Variants in HEMK2 observed in about 807,000 individuals in gnomAD.
The protein encoded by HEMK2 is HemK methyltransferase 2, ETF1 glutamine and histone H4 lysine, also known as methyltransferase HEMK2.
At chr21:28,859,489 TAAAGTC>T in the HEMK2 span, among the ~76,000 whole-genome samples, 4 of 152,232 alleles carry the variant, frequency 2.6e-5, no homozygotes, top group African/African-American at 9.6e-5. Flanking sequence ...ATCATGGCAT[TAAAGTC>T]AAAGAAGTCT....
chr21:28,780,182 ATT>A, the HEMK2 span, among the ~76,000 whole-genome samples: 1 of 146,720 alleles, frequency 6.8e-6, no homozygotes. Flanking sequence ...GACCTAAACA[ATT>A]TTTTTTTTTT....
chr21:28,694,823 C>A, the HEMK2 span, among the ~76,000 whole-genome samples: 1 of 152,002 alleles, frequency 6.6e-6, no homozygotes, highest in Admixed American at 6.6e-5. Context: ...ACGGTGAAAC[C>A]CCGTCTCTAC....
At chr21:28,816,912 T>A in the HEMK2 span, among the ~76,000 whole-genome samples, 21 of 152,224 alleles carry the variant, frequency 1.4e-4, no homozygotes, top group African/African-American at 5.1e-4. Context: ...AACTTAGAAG[T>A]CACTGAAGAA....
chr21:28,816,009 A>G, the HEMK2 span, among the ~76,000 whole-genome samples: 3 of 152,186 alleles, frequency 2.0e-5, no homozygotes, highest in East Asian at 5.8e-4. Context: ...CTGAATGAAG[A>G]TTAGGGCACA....
chr21:28,585,830 A>G, the HEMK2 span, among the ~76,000 whole-genome samples: 3 of 152,342 alleles, frequency 2.0e-5, no homozygotes, highest in East Asian at 5.8e-4. Flanking sequence ...AGATTATTGA[A>G]AGACATAAAT....
the HEMK2 span, among the ~76,000 whole-genome samples, chr21:28,750,108 A>G: frequency 6.6e-6 from 1 of 152,248 alleles, no homozygotes; most frequent in Non-Finnish European, 1.5e-5. Flanking sequence ...GAGTAGACTA[A>G]CCAACAGTAC....
At chr21:28,769,148 T>C in the HEMK2 span, among the ~76,000 whole-genome samples, 1 of 152,044 alleles carries the variant, frequency 6.6e-6, no homozygotes, top group African/African-American at 2.4e-5. Context: ...TCCTGACTGG[T>C]CTACTAGCTG....
chr21:28,838,972 A>ATATATATATATATATATATATAT, the HEMK2 span, among the ~76,000 whole-genome samples: 1 of 29,164 alleles, frequency 3.4e-5, no homozygotes, highest in Non-Finnish European at 5.6e-5. Context: ...AAAAAAAAAA[A>ATATATATATATATATATATATAT]ATATATATAT....
chr21:28,840,545 G>C, the HEMK2 span, among the ~76,000 whole-genome samples: 1 of 152,066 alleles, frequency 6.6e-6, no homozygotes, highest in African/African-American at 2.4e-5. Flanking sequence ...GTGGGATAAA[G>C]ACATGAATAG....
the HEMK2 span, among the ~76,000 whole-genome samples, chr21:28,614,424 AAC>A: frequency 3.9e-5 from 6 of 152,132 alleles, no homozygotes; most frequent in Non-Finnish European, 5.9e-5. Context: ...TTAAAAAAAA[AAC>A]ATATTGAAAC....
chr21:28,854,292 G>A, the HEMK2 span, among the ~76,000 whole-genome samples: 1 of 152,066 alleles, frequency 6.6e-6, no homozygotes, highest in African/African-American at 2.4e-5. Context: ...TCATGCCAAG[G>A]ATTATAAGTG....
chr21:28,841,815 A>T, the HEMK2 span, among the ~76,000 whole-genome samples: 3 of 152,082 alleles, frequency 2.0e-5, no homozygotes, highest in Admixed American at 6.6e-5. Context: ...ATGGAAAAAT[A>T]AAAAATAAAA....
At chr21:28,748,761 G>A in the HEMK2 span, among the ~76,000 whole-genome samples, 1 of 152,168 alleles carries the variant, frequency 6.6e-6, no homozygotes, top group Non-Finnish European at 1.5e-5. Context: ...TTGTCAGAGA[G>A]AGATTACAAA....
the HEMK2 span, among the ~76,000 whole-genome samples, chr21:28,777,960 T>C: frequency 6.6e-6 from 1 of 152,334 alleles, no homozygotes; most frequent in South Asian, 2.1e-4. Context: ...AAAATAAATG[T>C]TTACCCTTGA....
At chr21:28,874,331 A>G in the HEMK2 span, 1 of 152,340 alleles carries the variant, frequency 6.6e-6, no homozygotes, top group South Asian at 2.1e-4. Context: ...CCAGAGTAAG[A>G]TCTATTTCAG....
the HEMK2 span, among the ~76,000 whole-genome samples, chr21:28,709,093 C>G: frequency 2.0e-5 from 3 of 152,090 alleles, no homozygotes; most frequent in Non-Finnish European, 4.4e-5. Context: ...TCTTTGGGGT[C>G]CCTTCTATAA....
chr21:28,588,693 G>A, the HEMK2 span, among the ~76,000 whole-genome samples: 1 of 152,152 alleles, frequency 6.6e-6, no homozygotes, highest in East Asian at 1.9e-4. Context: ...AAAAGGATCC[G>A]GGTGCGGTGG....
the HEMK2 span, among the ~76,000 whole-genome samples, chr21:28,663,536 T>C: frequency 6.6e-6 from 1 of 152,254 alleles, no homozygotes; most frequent in Non-Finnish European, 1.5e-5. Context: ...TCTGCAGCAA[T>C]GATATATGGA....
the HEMK2 span, among the ~76,000 whole-genome samples, chr21:28,686,618 A>T: frequency 5.0e-3 from 756 of 152,348 alleles, 6 homozygotes; most frequent in African/African-American, 0.017. Flanking sequence ...TTAGCAAGAA[A>T]GCATAAAAGA....
Sources: gnomAD v4.1 joint callset for allele counts (sites outside exome capture counted in the v4.1 genomes callset) on GRCh38, gnomAD v4.1.1 for gene constraint, MANE v1.5 for transcripts, NCBI Gene and HGNC (gene_info 2026-07-23, HGNC 2026-07-21) for gene names.